The following FBXO39 variants were observed in gnomAD, a reference collection of about 807,000 sequenced individuals.
FBXO39 encodes F-box only protein 39.
FBXO39 carries 22 observed loss-of-function variants against 36.6 expected under a neutral mutation model. That is an observed-to-expected ratio of 0.60 (90% CI 0.43 to 0.86). The LOEUF is 0.86. Ranked by LOEUF, FBXO39 falls within the 40% of genes least tolerant of loss-of-function variation. The pLI is 0.00. For synonymous variants in FBXO39, 206 were observed against 205.8 expected (o/e 1.00, Z -0.01); for missense variants, 536 against 543.9 (o/e 0.99, Z 0.14).
intron 1 of FBXO39, among the ~76,000 whole-genome samples, chr17:6,778,512 C>G (rs1976462090): frequency 6.6e-6 from 1 of 152,184 alleles, no homozygotes; most frequent in Non-Finnish European, 1.5e-5. Context: ...AGTCCCTTCA[C>G]CTCTCTGGCC....
At position 6,779,878 on chromosome 17, in the gene FBXO39, GA is replaced by G; in HGVS notation, c.13del (p.Ser5ValfsTer3). ...ACATCCCAGTTCCTGGATGGACGAA[GA>G]AAGTGAACTGATCCAGCCCCAAGAC... MDE[E>X]SELIQPQDQS... On this transcript the variant is annotated frameshift_variant, in exon 2 of 4. Coordinates refer to ENST00000321535, the MANE Select transcript of FBXO39 (RefSeq NM_153230.3). LOFTEE classifies it high-confidence loss of function. 6.2e-7 allele frequency: 1 copy of G among 1,614,064 alleles called. No homozygotes were observed. Among genetic ancestry groups the G allele is most frequent in the Non-Finnish European group, 8.5e-7 (1 of 1,179,974 alleles).
chr17:6,780,198 C>A lies in FBXO39; in HGVS notation c.330C>A (p.Val110=). Residue 110 remains valine, a synonymous_variant, in exon 2 of 4, where the codon GTC becomes GTA. Coordinates refer to ENST00000321535, the MANE Select transcript of FBXO39 (RefSeq NM_153230.3). ...YNAVLTKKFQ[V]TMRGLLSCLS... is the part of the protein sequence containing the mutation. ...CTGTCTTGACCAAGAAGTTCCAGGT[C>A]ACCATGCGGGGCCTCCTGTCTTGTC... 1 of 1,614,182 alleles carries A rather than the reference C, an allele frequency of 6.2e-7. No individual in the cohort carries two copies. Among genetic ancestry groups the A allele is most frequent in the Non-Finnish European group, 8.5e-7 (1 of 1,180,020 alleles).
intron 1 of FBXO39, among the ~76,000 whole-genome samples, chr17:6,778,906 C>A (rs780750488): frequency 6.6e-6 from 1 of 152,148 alleles, no homozygotes; most frequent in East Asian, 1.9e-4. Context: ...CATCCCCATT[C>A]CCACCACAAT....
At position 6,780,173 on chromosome 17, in the gene FBXO39, C is replaced by T. The variant is rs1184929110; in HGVS notation, c.305C>T (p.Ala102Val). The T allele has an allele frequency of 3.7e-6, 6 of 1,614,060 alleles. No homozygotes were observed. The highest frequency in any genetic ancestry group is 5.1e-6 in the Non-Finnish European group (6 of 1,180,040). The change falls in exon 2 of 4, where the codon GCT becomes GTT. Residue 102 changes from alanine to valine, a missense_variant. By Grantham distance (64) the Ala-to-Val change is moderately conservative. Coordinates refer to ENST00000321535, the MANE Select transcript of FBXO39 (RefSeq NM_153230.3). ...GTCAAATTCATGAATCCTTACAATG[C>T]TGTCTTGACCAAGAAGTTCCAGGTC... ...LEVKFMNPYNAVLTKKFQVTM... is the reference protein window; with the variant it reads ...LEVKFMNPYNVVLTKKFQVTM...
chr17:6,783,448 T>C (rs1353346394), intron 2 of FBXO39, among the ~76,000 whole-genome samples: 1 of 151,292 alleles, frequency 6.6e-6, no homozygotes, highest in African/African-American at 2.4e-5. Context: ...AAACAAATAA[T>C]GCAAAAGATC....
chr17:6,778,921 G>A lies in FBXO39; in HGVS notation c.-80-868G>A, dbSNP rs555959814. Among the ~76,000 whole-genome samples the A allele has an allele frequency of 3.3e-5, 5 of 152,196 alleles. 1 individual carries two copies. Among genetic ancestry groups the A allele is most frequent in the Admixed American group, 3.3e-4 (5 of 15,292 alleles). ...CATCCCCATTCCCACCACAATGCCT[G>A]GACTCTGCTCTTGACCATCCTTCCT... On this transcript the variant is annotated intron_variant, in intron 1 of 3. Transcript: ENST00000321535.
chr17:6,787,473 A>C lies in FBXO39; in HGVS notation c.*45A>C, dbSNP rs1976590692. The C allele has an allele frequency of 6.2e-7, 1 of 1,608,790 alleles. No individual in the cohort carries two copies. ...GAAAGCTGGGAGCACTTTGAACTTG[A>C]AAATCATTTCTCTTAGAACTACACT... On this transcript the variant is annotated 3_prime_UTR_variant, in exon 4 of 4. Coordinates refer to ENST00000321535, the MANE Select transcript of FBXO39 (RefSeq NM_153230.3).
At chr17:6,778,953 C>T (rs957836608) in intron 1 of FBXO39, among the ~76,000 whole-genome samples, 11 of 152,178 alleles carry the variant, frequency 7.2e-5, no homozygotes, top group African/African-American at 2.4e-4. Context: ...TCCTCTGTCC[C>T]CCAGGAGTGT....
In FBXO39 at chr17:6,780,725, A is replaced by G; in HGVS notation, c.857A>G (p.Asn286Ser). The part of the protein sequence containing the change: ...LARQATNLKV[N>S]FFFERIMKYE... ...AGGCAGGCCACCAATCTGAAGGTGA[A>G]CTTCTTCTTTGAACGGATCATGAAG... The change falls in exon 2 of 4, where the codon AAC (asparagine) becomes AGC (serine). Residue 286 changes from asparagine (N) to serine (S), a missense_variant. Coordinates refer to ENST00000321535, the MANE Select transcript of FBXO39 (RefSeq NM_153230.3). The G allele has an allele frequency of 6.2e-7, 1 of 1,614,130 alleles. No homozygotes were observed. Among genetic ancestry groups the G allele is most frequent in the Non-Finnish European group, 8.5e-7 (1 of 1,180,014 alleles).
In FBXO39 at chr17:6,780,450, G is replaced by A; in HGVS notation, c.582G>A (p.Val194=). The change falls in exon 2 of 4, where the codon GTG becomes GTA. Residue 194 remains valine, a synonymous_variant. Transcript: ENST00000321535. ...TCAGCTACATGAGGAATGAGAATGT[G>A]ATCTCAGAGCTCAACATCGAGGACT... ...DSLSYMRNEN[V]ISELNIEDYF... The A allele has an allele frequency of 6.2e-7, 1 of 1,614,126 alleles. No homozygotes were observed. Among genetic ancestry groups the A allele is most frequent in the Non-Finnish European group, 8.5e-7 (1 of 1,180,046 alleles).
At chr17:6,787,247 T>TGCGCGCGC in intron 3 of FBXO39, 53 bp from the exon 4 acceptor site, 1 of 1,474,378 alleles carries the variant, frequency 6.8e-7, no homozygotes, top group Non-Finnish European at 9.1e-7. Flanking sequence ...TATGTGTGTG[T>TGCGCGCGC]GTGTGTGCGT....
Position 6,779,938 on chromosome 17 carries a change from CTG to C in FBXO39, c.73_74del (p.Cys25ProfsTer29). On this transcript the variant is annotated frameshift_variant, in exon 2 of 4. Coordinates refer to ENST00000321535, the MANE Select transcript of FBXO39 (RefSeq NM_153230.3). LOFTEE classifies it high-confidence loss of function. ...CTGGGCCTTTCTGCCCGATTTGTGTCTGTGCCGTGTTTTCTGGTGGCTAGGAG... is the reference window on the plus strand; with the variant it reads ...CTGGGCCTTTCTGCCCGATTTGTGTCTGCCGTGTTTTCTGGTGGCTAGGAG... Reference protein sequence around the residue: ...SCWAFLPDLCLCRVFWWLGDR... With the variant: ...SCWAFLPDLCXCRVFWWLGDR... 1 of 1,614,224 alleles carries C rather than the reference CTG, an allele frequency of 6.2e-7. No homozygotes were observed. The highest frequency in any genetic ancestry group is 8.5e-7 in the Non-Finnish European group (1 of 1,180,048).
intron 2 of FBXO39, among the ~76,000 whole-genome samples, chr17:6,784,953 G>A (rs201356244): frequency 0.06 from 6,855 of 113,768 alleles, 216 homozygotes; most frequent in South Asian, 0.1. Context: ...GTGTGTGTGT[G>A]TATATATATA....
intron 1 of FBXO39, among the ~76,000 whole-genome samples, chr17:6,777,842 C>T (rs373364899): frequency 6.6e-6 from 1 of 152,160 alleles, no homozygotes; most frequent in African/African-American, 2.4e-5. Context: ...ACCACTAGGG[C>T]GCCACGTCAT....
intron 2 of FBXO39, among the ~76,000 whole-genome samples, chr17:6,785,328 T>C (rs566978846): frequency 6.6e-6 from 1 of 152,278 alleles, no homozygotes; most frequent in South Asian, 2.1e-4. Context: ...TCTCTTGCCA[T>C]ATATGAAAAT....
rs753949794 is a variant in FBXO39 at position 6,787,539 on chromosome 17, CTT to C, written c.*121_*122del. The C allele has an allele frequency of 9.8e-5, 104 of 1,063,282 alleles. No individual in the cohort carries two copies. The highest frequency in any genetic ancestry group is 2.5e-4 in the Middle Eastern group (1 of 3,962). 65.9% of individuals were successfully genotyped at this position (1,063,282 alleles called of 1,614,324 possible). On this transcript the variant is annotated 3_prime_UTR_variant, in exon 4 of 4. Transcript: ENST00000321535. ...CTTTTGCTCCTCTCTCTCCCCTCCACTTTTTTTTTTTGTCAGCTCCATGACAA... is the reference window on the plus strand; with the variant it reads ...CTTTTGCTCCTCTCTCTCCCCTCCACTTTTTTTTTGTCAGCTCCATGACAA...
rs1225965291 is a variant in FBXO39, at chr17:6,786,825, G to C, written c.1069G>C (p.Glu357Gln). ...CAACAACCATGAGTCACTCGACGAG[G>C]AGCTGCACCTCCTCATCATATCCTG... ...FNNNHESLDEELHLLIISCRK... is the reference protein window; with the variant it reads ...FNNNHESLDEQLHLLIISCRK... Residue 357 changes from glutamate (E) to glutamine (Q), a missense_variant, in exon 3 of 4, where the codon GAG becomes CAG. Transcript: ENST00000321535. 4 of 1,613,360 alleles carry C rather than the reference G, an allele frequency of 2.5e-6. No homozygotes were observed. In the Admixed American group the frequency reaches 6.7e-5, roughly 27 times the overall value.
chr17:6,787,131 C>T (rs1976581917), intron 3 of FBXO39, among the ~76,000 whole-genome samples, 169 bp from the exon 4 acceptor site: 2 of 152,082 alleles, frequency 1.3e-5, no homozygotes, highest in Non-Finnish European at 2.9e-5. Context: ...TGGGTTTGGT[C>T]TTTTTCTGAT....
At chr17:6,782,074 TAGAC>T (rs1357575480) in intron 2 of FBXO39, among the ~76,000 whole-genome samples, 4 of 152,092 alleles carry the variant, frequency 2.6e-5, no homozygotes, top group African/African-American at 7.2e-5. Context: ...TTTCAAGACA[TAGAC>T]AGTACAGTAA....
Sources: gnomAD v4.1 joint callset for allele counts (sites outside exome capture counted in the v4.1 genomes callset) on GRCh38, gnomAD v4.1.1 for gene constraint, MANE v1.5 for transcripts, NCBI Gene and HGNC (gene_info 2026-07-23, HGNC 2026-07-21) for gene names.